Variants in STXBP5 observed in about 807,000 individuals in gnomAD.
STXBP5 encodes syntaxin binding protein 5, also known as syntaxin-binding protein 5.
A neutral mutation model predicts 152.4 loss-of-function variants in STXBP5; 50 were observed. That is an observed-to-expected ratio of 0.33 (90% CI 0.26 to 0.42). The LOEUF (loss-of-function observed/expected upper bound fraction) is 0.42. Among genes scored for constraint, STXBP5 ranks in the 10% least tolerant of loss-of-function variants. The pLI, the probability that STXBP5 is intolerant of heterozygous loss-of-function variation, is 1.00. For synonymous variants in STXBP5, 492 were observed against 494.7 expected, an observed-to-expected ratio of 0.99 and a Z score of 0.07; for missense variants, 1,167 against 1,388.6, an observed-to-expected ratio of 0.84 and a Z score of 2.54.
chr6:147,206,467 A>T (rs1776568882), intron 2 of STXBP5, among the ~76,000 whole-genome samples: 1 of 152,226 alleles, frequency 6.6e-6, no homozygotes, highest in African/African-American at 2.4e-5. Context: ...CTTATGACCT[A>T]TTCTAATAAA....
intron 4 of STXBP5, among the ~76,000 whole-genome samples, chr6:147,251,000 C>T (rs1218647909): frequency 2.7e-5 from 4 of 149,358 alleles, no homozygotes; most frequent in South Asian, 4.2e-4. Flanking sequence ...AAAAGAAGGC[C>T]GAATAGAATA....
chr6:147,208,464 C>T (rs896648153), intron 2 of STXBP5, among the ~76,000 whole-genome samples: 4 of 152,118 alleles, frequency 2.6e-5, no homozygotes, highest in African/African-American at 9.7e-5. Context: ...CGAATCTCCA[C>T]ATTTGGTTAA....
At chr6:147,210,523 G>T (rs1208845693) in intron 2 of STXBP5, among the ~76,000 whole-genome samples, 1 of 151,888 alleles carries the variant, frequency 6.6e-6, no homozygotes, top group Non-Finnish European at 1.5e-5. Context: ...TAGCTTTTTG[G>T]GCAGAATAAT....
rs548516052 is a variant in STXBP5, at chr6:147,269,872, A to G, written c.714+2705A>G. Reference sequence around the variant, plus strand: ...TAATATGTGTATTTTGAATCCTCGGAGGAGAGTGGAGAGGAAGTATGTTTC... The same window carrying G: ...TAATATGTGTATTTTGAATCCTCGGGGGAGAGTGGAGAGGAAGTATGTTTC... On this transcript the variant is annotated intron_variant, in intron 7 of 27. Coordinates refer to ENST00000321680, the MANE Select transcript of STXBP5 (RefSeq NM_001127715.4). 9.2e-5 allele frequency among the ~76,000 whole-genome samples: 14 copies of G among 152,262 alleles called. No homozygotes were observed. In the South Asian group the frequency reaches 2.7e-3, roughly 29 times the overall value.
intron 16 of STXBP5, among the ~76,000 whole-genome samples, chr6:147,322,888 A>T (rs916548997): frequency 6.6e-6 from 1 of 152,092 alleles, no homozygotes; most frequent in Admixed American, 6.5e-5. Context: ...ACCCCTCTTT[A>T]TCTCTTCCTT....
intron 4 of STXBP5, among the ~76,000 whole-genome samples, chr6:147,246,958 A>C (rs962947430): frequency 2.6e-5 from 4 of 152,208 alleles, no homozygotes; most frequent in African/African-American, 9.7e-5. Flanking sequence ...TGTATATAGA[A>C]ACGAAAACTC....
chr6:147,271,808 A>T (rs1254367992), intron 7 of STXBP5, among the ~76,000 whole-genome samples: 1 of 152,152 alleles, frequency 6.6e-6, no homozygotes, highest in East Asian at 1.9e-4. Context: ...CTAACAGAAA[A>T]ATAGAGAAAA....
At chr6:147,298,014 A>G (rs1161186657) in intron 9 of STXBP5, among the ~76,000 whole-genome samples, 5 of 152,066 alleles carry the variant, frequency 3.3e-5, no homozygotes, top group African/African-American at 1.2e-4. Flanking sequence ...CCTGTCAGTA[A>G]TTACCTTGAA....
rs753321561 is a variant in STXBP5 at position 147,204,522 on chromosome 6, C to T, written c.-11C>T. On this transcript the variant is annotated 5_prime_UTR_variant, in exon 1 of 28. Transcript: ENST00000321680. This position sits in a 1 kb window ranked among gnomAD's most constrained non-coding sequence, Gnocchi z 4.3. Reference sequence around the variant, plus strand: ...TCCCCTCCCGGGCTGCGGGGGAGCCCCTCCGAGACCATGAGGAAATTCAAC... The same window carrying T: ...TCCCCTCCCGGGCTGCGGGGGAGCCTCTCCGAGACCATGAGGAAATTCAAC... 2 of 1,610,658 alleles carry T rather than the reference C, an allele frequency of 1.2e-6. No individual in the cohort carries two copies. Among genetic ancestry groups the T allele is most frequent in the Admixed American group, 1.7e-5 (1 of 59,820 alleles).
intron 7 of STXBP5, among the ~76,000 whole-genome samples, chr6:147,277,682 A>G (rs1294658421): frequency 6.6e-6 from 1 of 152,120 alleles, no homozygotes; most frequent in South Asian, 2.1e-4. Flanking sequence ...ATCATGGTCA[A>G]TTAACACATT....
intron 1 of STXBP5, among the ~76,000 whole-genome samples, chr6:147,205,384 A>G (rs1776492976): frequency 6.6e-6 from 1 of 150,470 alleles, no homozygotes; most frequent in Non-Finnish European, 1.5e-5. Context: ...ATATATATAT[A>G]TATATATATA....
intron 21 of STXBP5, among the ~76,000 whole-genome samples, chr6:147,340,069 G>GA (rs1562256270): frequency 6.6e-6 from 1 of 151,922 alleles, no homozygotes; most frequent in African/African-American, 2.4e-5. Flanking sequence ...TTAAAGTCTT[G>GA]AAAAACACTT....
At chr6:147,226,849 C>T (rs992213843) in intron 2 of STXBP5, among the ~76,000 whole-genome samples, 1 of 152,138 alleles carries the variant, frequency 6.6e-6, no homozygotes, top group Non-Finnish European at 1.5e-5. Flanking sequence ...GTTAAGCAAA[C>T]ATGGTTAAGG....
chr6:147,305,716 C>T (rs1164255972), intron 9 of STXBP5, among the ~76,000 whole-genome samples: 1 of 152,040 alleles, frequency 6.6e-6, no homozygotes, highest in Non-Finnish European at 1.5e-5. Context: ...CTTGTAAAAT[C>T]AATAATTATT....
chr6:147,344,172 G>A (rs749054020), intron 21 of STXBP5, among the ~76,000 whole-genome samples: 5 of 152,018 alleles, frequency 3.3e-5, no homozygotes, highest in Non-Finnish European at 7.4e-5. Flanking sequence ...TGTATTTTCT[G>A]TCAAATTTCT....
intron 3 of STXBP5, among the ~76,000 whole-genome samples, chr6:147,238,623 G>T (rs1269155340): frequency 6.6e-6 from 1 of 152,082 alleles, no homozygotes; most frequent in Non-Finnish European, 1.5e-5. Flanking sequence ...ATATTTAGTT[G>T]TATCAGACAT....
Position 147,204,444 on chromosome 6 carries a change from C to A in STXBP5, c.-89C>A. ...ACTCCCACTCCTCCGTTTCCGCGGT[C>A]GAAGCTGCCTTCGGCCCCGGGTGGT... On this transcript the variant is annotated 5_prime_UTR_variant, in exon 1 of 28. Coordinates refer to ENST00000321680, the MANE Select transcript of STXBP5 (RefSeq NM_001127715.4). This position sits in a 1 kb window ranked among gnomAD's most constrained non-coding sequence, Gnocchi z 4.3. 1.5e-6 allele frequency: 2 copies of A among 1,368,052 alleles called. No individual in the cohort carries two copies. Among genetic ancestry groups the A allele is most frequent in the Non-Finnish European group, 2.0e-6 (2 of 995,622 alleles). 84.7% of individuals were successfully genotyped at this position (1,368,052 alleles called of 1,614,324 possible).
intron 4 of STXBP5, among the ~76,000 whole-genome samples, chr6:147,259,503 T>G (rs2115332187): frequency 6.6e-6 from 1 of 152,216 alleles, no homozygotes; most frequent in African/African-American, 2.4e-5. Context: ...TAACTGAACA[T>G]TACCTCTAAG....
intron 4 of STXBP5, among the ~76,000 whole-genome samples, chr6:147,239,939 G>A (rs899834908): frequency 1.3e-5 from 2 of 150,960 alleles, no homozygotes; most frequent in African/African-American, 4.9e-5. Context: ...TGTTTTTGTG[G>A]TACTCTTTTT....
Sources: allele counts gnomAD v4.1 joint callset (sites outside exome capture counted in the v4.1 genomes callset), GRCh38; gene constraint gnomAD v4.1.1; non-coding constraint Gnocchi (gnomAD v3.1); transcripts MANE v1.5; gene names NCBI Gene and HGNC (gene_info 2026-07-23, HGNC 2026-07-21).